Variants in COL21A1 observed in about 807,000 individuals in gnomAD.
COL21A1 encodes collagen alpha-1(XXI) chain.
COL21A1 carries 149 observed loss-of-function variants against 137.9 expected under a neutral mutation model. The ratio of observed to expected loss-of-function variants is 1.08; its 90% confidence interval spans 0.95 to 1.24. COL21A1 has a LOEUF of 1.24. COL21A1 is among the 50% of genes most tolerant of loss of function. COL21A1 has a pLI of 0.00. For missense variants in COL21A1, 1,167 were observed against 1,158.4 expected, an observed-to-expected ratio of 1.01 and a Z score of -0.11; for synonymous variants, 456 against 391.5, an observed-to-expected ratio of 1.16 and a Z score of -1.95.
intron 1 of COL21A1, among the ~76,000 whole-genome samples, chr6:56,271,719 C>T (rs1320765322): frequency 6.6e-6 from 1 of 152,198 alleles, no homozygotes; most frequent in Non-Finnish European, 1.5e-5. Context: ...GCTCTGTGGG[C>T]TTGGCCCAGG....
At chr6:56,143,909 C>G (rs561763677) in intron 10 of COL21A1, among the ~76,000 whole-genome samples, 38 of 152,270 alleles carry the variant, frequency 2.5e-4, no homozygotes, top group Non-Finnish European at 5.0e-4. Flanking sequence ...AAAAAATCTC[C>G]TTCTCCAATG....
intron 24 of COL21A1, among the ~76,000 whole-genome samples, chr6:56,063,965 T>C (rs1766022744): frequency 6.6e-6 from 1 of 152,056 alleles, no homozygotes; most frequent in Non-Finnish European, 1.5e-5. Flanking sequence ...CAATCTCCTT[T>C]ATGCCTTTGT....
chr6:56,096,192 C>CA (rs1164485096), intron 17 of COL21A1, among the ~76,000 whole-genome samples: 1 of 151,832 alleles, frequency 6.6e-6, no homozygotes, highest in African/African-American at 2.4e-5. Context: ...ACAATGCCTA[C>CA]AGCCTCATGT....
chr6:56,079,935 A>G (rs1010998211), intron 17 of COL21A1, among the ~76,000 whole-genome samples: 2 of 151,682 alleles, frequency 1.3e-5, no homozygotes, highest in Non-Finnish European at 3.0e-5. Flanking sequence ...GGCAAAACTA[A>G]TATAATACCA....
chr6:56,300,512 T>C (rs1373467073), intron 1 of COL21A1, among the ~76,000 whole-genome samples: 1 of 152,184 alleles, frequency 6.6e-6, no homozygotes, highest in African/African-American at 2.4e-5. Flanking sequence ...TGGATATAAA[T>C]GTTTAATATA....
At chr6:56,356,836 C>T (rs1008703118) in intron 1 of COL21A1, among the ~76,000 whole-genome samples, 3 of 152,216 alleles carry the variant, frequency 2.0e-5, no homozygotes, top group East Asian at 3.9e-4. Context: ...CTGAAGCAAT[C>T]ACAGCAGCTT....
intron 1 of COL21A1, among the ~76,000 whole-genome samples, chr6:56,372,469 T>G (rs1228918547): frequency 6.6e-6 from 1 of 152,166 alleles, no homozygotes; most frequent in Non-Finnish European, 1.5e-5. Flanking sequence ...CAGAAAGTAT[T>G]GGCAGGGAGA....
chr6:56,201,200 A>C (rs1004472037), intron 1 of COL21A1, among the ~76,000 whole-genome samples: 4 of 152,168 alleles, frequency 2.6e-5, no homozygotes, highest in African/African-American at 4.8e-5. Flanking sequence ...GATTCTGGAT[A>C]TTAGCCCTTT....
chr6:56,389,388 A>T (rs2152353532), intron 1 of COL21A1, among the ~76,000 whole-genome samples: 1 of 151,592 alleles, frequency 6.6e-6, no homozygotes, highest in Admixed American at 6.6e-5. Context: ...AACAAAAAAT[A>T]TACAAAGGAG....
At chr6:56,098,792 C>T (rs9475560) in intron 17 of COL21A1, among the ~76,000 whole-genome samples, 99,752 of 136,020 alleles carry the variant, frequency 0.73, 37,110 homozygotes, top group East Asian at 0.87. Flanking sequence ...CTTGGCTCAC[C>T]GCAACCCCCA....
At chr6:56,188,219 ACT>A in intron 1 of COL21A1, among the ~76,000 whole-genome samples, 1 of 152,326 alleles carries the variant, frequency 6.6e-6, no homozygotes, top group South Asian at 2.1e-4. Flanking sequence ...ACTTTAGAGA[ACT>A]GTTAGGTAAA....
In COL21A1 at chr6:56,233,635, A is replaced by AT. The variant is rs1702371362; in HGVS notation, c.-39+13751dup. Reference sequence around the variant, plus strand: ...AGAAGAAAAAACTAAAAAGAGACATATGGAGAAATATAGGAGAGAAACGGT... The same window carrying AT: ...AGAAGAAAAAACTAAAAAGAGACATATTGGAGAAATATAGGAGAGAAACGGT... On this transcript the variant is annotated intron_variant, in intron 1 of 29. Transcript: ENST00000244728. Among the ~76,000 whole-genome samples, 4 of 151,720 alleles carry AT rather than the reference A, an allele frequency of 2.6e-5. No individual in the cohort carries two copies. In the South Asian group the frequency reaches 8.3e-4, roughly 31 times the overall value.
At chr6:56,375,122 G>A (rs1381840864) in intron 1 of COL21A1, among the ~76,000 whole-genome samples, 7 of 152,144 alleles carry the variant, frequency 4.6e-5, no homozygotes. Flanking sequence ...GAACGCCAGA[G>A]CCAAAGGGGA....
chr6:56,070,482 G>GT (rs1234680223), intron 21 of COL21A1, among the ~76,000 whole-genome samples: 2 of 151,540 alleles, frequency 1.3e-5, no homozygotes, highest in Non-Finnish European at 3.0e-5. Flanking sequence ...GGACCAGAAA[G>GT]TAAGTTCATG....
intron 12 of COL21A1, among the ~76,000 whole-genome samples, chr6:56,139,073 G>C (rs541255032): frequency 6.6e-6 from 1 of 152,182 alleles, no homozygotes; most frequent in Non-Finnish European, 1.5e-5. Flanking sequence ...GGGTAGGAGG[G>C]TAGACATAGT....
At chr6:56,372,180 C>T (rs959907036) in intron 1 of COL21A1, among the ~76,000 whole-genome samples, 5 of 152,162 alleles carry the variant, frequency 3.3e-5, no homozygotes, top group Non-Finnish European at 7.3e-5. Context: ...CAAATGGATT[C>T]CTGTACAAAT....
chr6:56,063,300 T>A lies in COL21A1; in HGVS notation c.2172+1278A>T, dbSNP rs137912496. Among the ~76,000 whole-genome samples, 307 of 152,282 alleles carry A rather than the reference T, an allele frequency of 2.0e-3. 2 individuals are homozygous for A. The highest frequency in any genetic ancestry group is 6.9e-3 in the African/African-American group (286 of 41,564). ...GTTCAAATTCTAAAGGAAATATCCT[T>A]CTTTTCTGAGAGTTATTGTAAGTAA... On this transcript the variant is annotated intron_variant, in intron 24 of 29. Transcript: ENST00000244728.
In COL21A1 at chr6:56,179,977, A is replaced by G. The variant is rs1270179415; in HGVS notation, c.241T>C (p.Tyr81His). The G allele has an allele frequency of 1.9e-6, 3 of 1,613,786 alleles. No individual in the cohort carries two copies. Among genetic ancestry groups the G allele is most frequent in the African/African-American group, 2.7e-5 (2 of 74,898 alleles). Residue 81 changes from tyrosine (Y) to histidine (H), a missense_variant, in exon 3 of 30, where the codon TAT becomes CAT. Physicochemically the swap from Tyr to His is moderately conservative, Grantham distance 83. Transcript: ENST00000244728. The stretch of plus-strand genomic sequence containing the variant: ...ATCTCCAGCACAGGGTAGTCACTAT[A>G]TTGAACCACTCCAACTTGAATAAAC... The part of the protein sequence containing the change: ...PKFIQVGVVQ[Y>H]SDYPVLEIPL...
intron 1 of COL21A1, among the ~76,000 whole-genome samples, chr6:56,312,887 G>C (rs1485091089): frequency 6.6e-6 from 1 of 152,140 alleles, no homozygotes; most frequent in Admixed American, 6.5e-5. Flanking sequence ...AAGGAAGCAA[G>C]AGAGCCAGTA....
Sources: allele counts gnomAD v4.1 joint callset (sites outside exome capture counted in the v4.1 genomes callset), GRCh38; gene constraint gnomAD v4.1.1; transcripts MANE v1.5; gene names NCBI Gene and HGNC (gene_info 2026-07-23, HGNC 2026-07-21).